The following NTM variants were observed in gnomAD, a reference collection of about 807,000 sequenced individuals.
NTM encodes IgLON family member 2.
Under a neutral mutation model 42.1 loss-of-function variants are expected in NTM, and 13 were observed. The ratio of observed to expected loss-of-function variants is 0.31; its 90% CI spans 0.20 to 0.49. The LOEUF is 0.49. NTM is among the 20% of genes least tolerant of loss of function. NTM has a pLI of 0.99. For missense variants in NTM, 373 were observed against 452.8 expected (o/e 0.82, Z 1.60); for synonymous variants, 187 against 179.2 (o/e 1.04, Z -0.35).
intron 4 of NTM, among the ~76,000 whole-genome samples, chr11:132,222,833 A>G (rs1485897521): frequency 6.6e-6 from 1 of 151,996 alleles, no homozygotes; most frequent in East Asian, 1.9e-4. Context: ...ATGACTTTGG[A>G]CTTTACAGTT....
intron 1 of NTM, chr11:131,455,454 C>T (rs200094059): frequency 1.2e-4 from 19 of 152,224 alleles, no homozygotes; most frequent in South Asian, 4.1e-4. Flanking sequence ...AGGAGTAGAA[C>T]GATGAATCAG....
At chr11:131,402,048 G>C (rs1011655044) in intron 1 of NTM, among the ~76,000 whole-genome samples, 21 of 151,056 alleles carry the variant, frequency 1.4e-4, no homozygotes, top group Admixed American at 6.6e-5. Flanking sequence ...TATTCTAAGA[G>C]AGTTTCTAGA....
At chr11:131,478,247 T>G (rs1953169793) in intron 1 of NTM, among the ~76,000 whole-genome samples, 2 of 152,190 alleles carry the variant, frequency 1.3e-5, no homozygotes, top group South Asian at 4.1e-4. Context: ...ACTCAAAATT[T>G]TGCATATCGT....
At chr11:132,089,363 C>T (rs2060123157) in intron 2 of NTM, among the ~76,000 whole-genome samples, 1 of 152,174 alleles carries the variant, frequency 6.6e-6, no homozygotes, top group Non-Finnish European at 1.5e-5. Context: ...GATCTTGCTC[C>T]CACTTGTTCA....
At chr11:131,462,410 A>G (rs979526060) in intron 1 of NTM, among the ~76,000 whole-genome samples, 1 of 152,366 alleles carries the variant, frequency 6.6e-6, no homozygotes, top group East Asian at 1.9e-4. Flanking sequence ...ATCCGTTTTA[A>G]AAAACAAACA....
chr11:131,882,976 C>T (rs1207676385), intron 1 of NTM, among the ~76,000 whole-genome samples: 1 of 152,002 alleles, frequency 6.6e-6, no homozygotes, highest in Non-Finnish European at 1.5e-5. Context: ...GTGCAAAAAG[C>T]ACAAGCAGTC....
intron 7 of NTM, among the ~76,000 whole-genome samples, chr11:132,321,671 C>A (rs1235420715): frequency 6.6e-6 from 1 of 151,776 alleles, no homozygotes; most frequent in Non-Finnish European, 1.5e-5. Context: ...TCAGGAAATA[C>A]AGAGAATGCC....
intron 1 of NTM, among the ~76,000 whole-genome samples, chr11:131,580,302 C>T (rs2058291391): frequency 6.6e-6 from 1 of 152,190 alleles, no homozygotes; most frequent in Non-Finnish European, 1.5e-5. Flanking sequence ...AGGCATAACT[C>T]TCATATACTG....
intron 1 of NTM, among the ~76,000 whole-genome samples, chr11:131,799,878 T>G (rs897464334): frequency 2.0e-5 from 3 of 152,198 alleles, no homozygotes; most frequent in Admixed American, 6.5e-5. Flanking sequence ...GTCAGGATGA[T>G]TTTAGTTTGT....
intron 2 of NTM, among the ~76,000 whole-genome samples, chr11:131,915,134 C>G (rs185853652): frequency 4.6e-5 from 7 of 152,290 alleles, no homozygotes; most frequent in East Asian, 1.9e-4. Context: ...CTGAAATAGA[C>G]AATTATTCCC....
At chr11:131,708,605 T>C (rs1045643104) in intron 1 of NTM, among the ~76,000 whole-genome samples, 1 of 152,052 alleles carries the variant, frequency 6.6e-6, no homozygotes, top group Admixed American at 6.6e-5. Context: ...AATAGAAAAA[T>C]AGTGGAAGCA....
At chr11:132,114,499 A>G (rs1229710159) in intron 2 of NTM, among the ~76,000 whole-genome samples, 1 of 151,546 alleles carries the variant, frequency 6.6e-6, no homozygotes, top group Non-Finnish European at 1.5e-5. Flanking sequence ...TCTCATAAAA[A>G]CCCTGCTCTC....
At chr11:131,459,034 T>C (rs965818099) in intron 1 of NTM, among the ~76,000 whole-genome samples, 8 of 152,256 alleles carry the variant, frequency 5.3e-5, no homozygotes, top group African/African-American at 1.9e-4. Context: ...TGTTTCTTTG[T>C]ACATAAAGGC....
Position 131,374,478 on chromosome 11 carries a change from A to G in NTM, c.82+3590A>G, listed in dbSNP as rs575960283. 1.1e-4 allele frequency among the ~76,000 whole-genome samples: 17 copies of G among 152,246 alleles called. No homozygotes were observed. The South Asian group carries it at 3.3e-3, about 30-fold the overall frequency. On this transcript the variant is annotated intron_variant, in intron 1 of 8. Coordinates refer to ENST00000683400, the MANE Select transcript of NTM (RefSeq NM_001352005.2). ...CCCTTAAAGCCAAATATAAGCCCCC[A>G]GATCTCGTCTTATCAGCTGCAATGT...
At chr11:131,765,022 G>A (rs73039741) in intron 1 of NTM, among the ~76,000 whole-genome samples, 42,415 of 151,960 alleles carry the variant, frequency 0.28, 6,428 homozygotes, top group Admixed American at 0.4. Context: ...AGTTCTTGCC[G>A]CTCACTGGTA....
chr11:132,004,238 C>T (rs75743325), intron 2 of NTM, among the ~76,000 whole-genome samples: 2 of 152,102 alleles, frequency 1.3e-5, no homozygotes, highest in Non-Finnish European at 2.9e-5. Flanking sequence ...AGGCTATTCT[C>T]AATAAGAAAA....
intron 2 of NTM, among the ~76,000 whole-genome samples, chr11:132,006,207 G>A (rs191929428): frequency 1.3e-5 from 2 of 152,228 alleles, no homozygotes; most frequent in East Asian, 3.9e-4. Context: ...TCCATGGCTT[G>A]AAAATAAAAC....
chr11:132,205,917 C>T (rs768764917), intron 3 of NTM, among the ~76,000 whole-genome samples: 3 of 152,118 alleles, frequency 2.0e-5, no homozygotes, highest in Admixed American at 6.6e-5. Flanking sequence ...ATGTTCTCCC[C>T]AAAAGTAGTT....
intron 1 of NTM, among the ~76,000 whole-genome samples, chr11:131,388,372 G>A (rs1943576892): frequency 6.7e-6 from 1 of 148,868 alleles, no homozygotes. Context: ...ATCAACAAAT[G>A]ATTTTTATTA....
Sources: gnomAD v4.1 joint callset for allele counts (sites outside exome capture counted in the v4.1 genomes callset) on GRCh38, gnomAD v4.1.1 for gene constraint, MANE v1.5 for transcripts, NCBI Gene and HGNC (gene_info 2026-07-23, HGNC 2026-07-21) for gene names.